HS6ST1: variants seen among roughly 807,000 people sequenced by gnomAD.
The protein encoded by HS6ST1 is heparan-sulfate 6-O-sulfotransferase 1.
Under a neutral mutation model 25.2 loss-of-function variants are expected in HS6ST1, and 3 were observed. That is an observed-to-expected ratio of 0.12 (90% CI 0.05 to 0.31). The LOEUF (loss-of-function observed/expected upper bound fraction) is 0.31. HS6ST1 is among the 10% of genes least tolerant of loss of function. The pLI is 1.00. For synonymous variants in HS6ST1, 204 were observed against 275.1 expected (o/e 0.74, Z 2.56); for missense variants, 310 against 609.6 (o/e 0.51, Z 5.18).
chr2:128,299,367 A>C (rs921904029), intron 1 of HS6ST1, among the ~76,000 whole-genome samples: 2 of 152,226 alleles, frequency 1.3e-5, no homozygotes, highest in Non-Finnish European at 2.9e-5. Context: ...CACTCTTAGC[A>C]AACTATAAGA....
intron 1 of HS6ST1, among the ~76,000 whole-genome samples, chr2:128,302,963 C>A (rs1480830218): frequency 6.6e-6 from 1 of 152,232 alleles, no homozygotes; most frequent in Admixed American, 6.5e-5. Context: ...CTTCTGCCTG[C>A]AACGCCCTCC....
chr2:128,311,090 GC>G (rs1694283986), intron 1 of HS6ST1, among the ~76,000 whole-genome samples: 1 of 152,120 alleles, frequency 6.6e-6, no homozygotes, highest in South Asian at 2.1e-4. Context: ...GCTACCACCA[GC>G]TCACTGTCAT....
At chr2:128,277,273 C>T (rs1456669473) in intron 1 of HS6ST1, among the ~76,000 whole-genome samples, 2 of 152,208 alleles carry the variant, frequency 1.3e-5, no homozygotes, top group Non-Finnish European at 2.9e-5. Flanking sequence ...TCTGTGAGCA[C>T]AGCCCTAAGC....
rs375903275 is a variant in HS6ST1, at chr2:128,282,793, C to T, written c.528-13923G>A. 9.2e-5 allele frequency among the ~76,000 whole-genome samples: 14 copies of T among 152,340 alleles called. No individual in the cohort carries two copies. In the South Asian group the frequency reaches 1.7e-3, roughly 18 times the overall value. On this transcript the variant is annotated intron_variant, in intron 1 of 1. Coordinates refer to ENST00000259241, the MANE Select transcript of HS6ST1 (RefSeq NM_004807.3). ...CTACCTGGAGGGGAGCTGGGCACTG[C>T]GGAGGAGCAGAGGGCCCAGCCTGGA...
rs1483833084 is a variant in HS6ST1 at position 128,318,689 on chromosome 2, G to T, written c.-126C>A. ...CGGCTACTCGGCGCCCAGGCCGCCC[G>T]CAGCGGCGCGGGCCCCGACCCTCCG... On this transcript the variant is annotated 5_prime_UTR_variant, in exon 1 of 2. Transcript: ENST00000259241. This position sits in a 1 kb window ranked among gnomAD's most constrained non-coding sequence, Gnocchi z 5.7. The T allele has an allele frequency of 6.9e-5, 11 of 159,276 alleles. No homozygotes were observed. The South Asian group carries it at 1.5e-3, about 22-fold the overall frequency. The allele number at this position is 159,276 out of a possible 1,614,324, so 9.9% of individuals were successfully genotyped here.
intron 1 of HS6ST1, 60 bp from the exon 2 acceptor site, chr2:128,268,930 G>C (rs1693569410): frequency 3.5e-6 from 5 of 1,441,218 alleles, no homozygotes; most frequent in Middle Eastern, 3.6e-4. Context: ...GGGCTACCAG[G>C]GCTGCTCTGA....
chr2:128,298,716 T>C (rs1281622149), intron 1 of HS6ST1, among the ~76,000 whole-genome samples: 1 of 152,160 alleles, frequency 6.6e-6, no homozygotes, highest in East Asian at 1.9e-4. Context: ...GATGAAAAAG[T>C]TCTGGAGACG....
intron 1 of HS6ST1, among the ~76,000 whole-genome samples, chr2:128,285,848 C>T (rs1030975304): frequency 2.6e-5 from 4 of 152,214 alleles, no homozygotes; most frequent in South Asian, 2.1e-4. Context: ...ACCCTCAGGC[C>T]GGCAGTGGGA....
chr2:128,268,033 T>C lies in HS6ST1; in HGVS notation c.*129A>G, dbSNP rs1558865904. On this transcript the variant is annotated 3_prime_UTR_variant, in exon 2 of 2. Transcript: ENST00000259241. ...CACTACATCCCTGCTCTGTTTTTTT[T>C]CAGGACGCAGCTACCTCTGTGGAGC... The C allele has an allele frequency of 2.8e-6, 2 of 706,310 alleles. No individual in the cohort carries two copies. Among genetic ancestry groups the C allele is most frequent in the Non-Finnish European group, 4.8e-6 (2 of 415,256 alleles). The allele number at this position is 706,310 out of a possible 1,614,324, so 43.8% of individuals were successfully genotyped here.
rs377006394 is a variant in HS6ST1, at chr2:128,268,591, G to A, written c.807C>T (p.Pro269=). The part of the protein sequence containing the change: ...LVGCYNLSFI[P]EGKRAQLLLE... The stretch of plus-strand genomic sequence containing the variant: ...GCAGCAGCTGGGCCCGCTTGCCCTC[G>A]GGGATGAAGGACAGGTTGTAGCAGC... Residue 269 remains proline, a synonymous_variant, in exon 2 of 2, where the codon CCC becomes CCT. Coordinates refer to ENST00000259241, the MANE Select transcript of HS6ST1 (RefSeq NM_004807.3). The A allele has an allele frequency of 1.5e-4, 241 of 1,605,122 alleles. No homozygotes were observed. Among genetic ancestry groups the A allele is most frequent in the African/African-American group, 6.3e-4 (47 of 74,722 alleles).
intron 1 of HS6ST1, among the ~76,000 whole-genome samples, chr2:128,298,591 T>C (rs966586047): frequency 3.9e-5 from 6 of 152,226 alleles, no homozygotes; most frequent in African/African-American, 1.4e-4. Flanking sequence ...TCCACTTAAA[T>C]CCGCTATCTA....
At chr2:128,277,776 A>C (rs1396997331) in intron 1 of HS6ST1, among the ~76,000 whole-genome samples, 1 of 152,294 alleles carries the variant, frequency 6.6e-6, no homozygotes, top group Non-Finnish European at 1.5e-5. Context: ...AAGATGAAGC[A>C]TGAAACATCA....
chr2:128,306,188 CCCT>C (rs2104933895), intron 1 of HS6ST1, among the ~76,000 whole-genome samples: 1 of 152,350 alleles, frequency 6.6e-6, no homozygotes, highest in East Asian at 1.9e-4. Context: ...GACAGGAATG[CCCT>C]CCTTTGTGCC....
chr2:128,304,825 ACACT>A (rs2104933086), intron 1 of HS6ST1, among the ~76,000 whole-genome samples: 1 of 152,280 alleles, frequency 6.6e-6, no homozygotes, highest in African/African-American at 2.4e-5. Flanking sequence ...GCATCTCATG[ACACT>A]CAGGAATGGC....
intron 1 of HS6ST1, among the ~76,000 whole-genome samples, chr2:128,276,380 C>T (rs111406386): frequency 0.085 from 12,977 of 152,236 alleles, 1,753 homozygotes; most frequent in African/African-American, 0.29. Context: ...AGGTGATTAG[C>T]CTGCCTCGGC....
At chr2:128,287,406 C>T (rs1302283544) in intron 1 of HS6ST1, among the ~76,000 whole-genome samples, 1 of 152,206 alleles carries the variant, frequency 6.6e-6, no homozygotes, top group Non-Finnish European at 1.5e-5. Flanking sequence ...AGCAGGTCCC[C>T]TGACGGGCTG....
At chr2:128,283,713 C>A (rs1320740618) in intron 1 of HS6ST1, among the ~76,000 whole-genome samples, 5 of 152,268 alleles carry the variant, frequency 3.3e-5, no homozygotes, top group African/African-American at 1.2e-4. Context: ...TGGGCTTTGG[C>A]CAGGCTGCTG....
At chr2:128,284,983 T>C (rs1031032177) in intron 1 of HS6ST1, among the ~76,000 whole-genome samples, 2 of 152,198 alleles carry the variant, frequency 1.3e-5, no homozygotes, top group African/African-American at 2.4e-5. Context: ...GTCATCACTG[T>C]GGCCCCACTG....
chr2:128,300,410 C>T (rs1418846023), intron 1 of HS6ST1, among the ~76,000 whole-genome samples: 1 of 152,204 alleles, frequency 6.6e-6, no homozygotes, highest in Non-Finnish European at 1.5e-5. Flanking sequence ...GTGTGGCTTC[C>T]ACAGTACGCC....
Sources: gnomAD v4.1 joint callset for allele counts (sites outside exome capture counted in the v4.1 genomes callset) on GRCh38, gnomAD v4.1.1 for gene constraint, Gnocchi (gnomAD v3.1) non-coding constraint, MANE v1.5 for transcripts, NCBI Gene and HGNC (gene_info 2026-07-23, HGNC 2026-07-21) for gene names.